Variants in PIK3R1 observed in about 807,000 individuals in gnomAD.
PIK3R1 encodes phosphoinositide-3-kinase regulatory subunit 1.
Under a neutral mutation model 98.0 loss-of-function variants are expected in PIK3R1, and 29 were observed. That is an observed-to-expected ratio of 0.30 (90% CI 0.22 to 0.40). The LOEUF (loss-of-function observed/expected upper bound fraction) is 0.40, where lower values mean the gene tolerates loss of function less well. PIK3R1 is among the 10% of genes least tolerant of loss of function. The pLI is 1.00. For missense variants in PIK3R1, 596 were observed against 872.7 expected, an observed-to-expected ratio of 0.68 and a Z score of 3.99; for synonymous variants, 282 against 311.8, an observed-to-expected ratio of 0.90 and a Z score of 1.01.
rs527788338 is a variant in PIK3R1 at position 68,298,429 on chromosome 5, A to G, written c.*828A>G. On this transcript the variant is annotated 3_prime_UTR_variant, in exon 16 of 16. Coordinates refer to ENST00000521381, the MANE Select transcript of PIK3R1 (RefSeq NM_181523.3). Reference sequence around the variant, plus strand: ...GCTATGCAATTCTTAATTTTCATTAAGTTGTTATTTCAGTTTTAAATGTAC... The same window carrying G: ...GCTATGCAATTCTTAATTTTCATTAGGTTGTTATTTCAGTTTTAAATGTAC... 1.3e-5 allele frequency: 3 copies of G among 233,322 alleles called. No homozygotes were observed. In the South Asian group the frequency reaches 5.4e-4, roughly 42 times the overall value. The allele number at this position is 233,322 out of a possible 1,614,324, so 14.5% of individuals were successfully genotyped here.
At chr5:68,245,934 C>G (rs1745068106) in intron 2 of PIK3R1, among the ~76,000 whole-genome samples, 1 of 152,128 alleles carries the variant, frequency 6.6e-6, no homozygotes, top group African/African-American at 2.4e-5. Flanking sequence ...ATGGACTGAC[C>G]AGTTCTTTCT....
rs556612920 is a variant in PIK3R1 at position 68,262,836 on chromosome 5, T to G, written c.335-10554T>G. On this transcript the variant is annotated intron_variant, in intron 2 of 15. Coordinates refer to ENST00000521381, the MANE Select transcript of PIK3R1 (RefSeq NM_181523.3). Reference sequence around the variant, plus strand: ...ACATGTAGATACATGTAGATACATGTATACATGTAGATACATGTAGATACA... The same window carrying G: ...ACATGTAGATACATGTAGATACATGGATACATGTAGATACATGTAGATACA... 1.7e-5 allele frequency among the ~76,000 whole-genome samples: 2 copies of G among 116,192 alleles called. 1 individual carries two copies. Among genetic ancestry groups the G allele is most frequent in the Admixed American group, 1.6e-4 (2 of 12,782 alleles). 76.2% of individuals were successfully genotyped at this position (116,192 alleles called of 152,430 possible).
chr5:68,255,197 A>C (rs1236384939), intron 2 of PIK3R1, among the ~76,000 whole-genome samples: 7 of 152,224 alleles, frequency 4.6e-5, no homozygotes, highest in Non-Finnish European at 1.0e-4. Flanking sequence ...TCAGTCCCTG[A>C]TTTGCAAAGT....
intron 10 of PIK3R1, 40 bp downstream of exon 10, chr5:68,293,523 G>A (rs1156336425): frequency 5.4e-6 from 8 of 1,489,700 alleles, no homozygotes; most frequent in Non-Finnish European, 7.4e-6. Flanking sequence ...ACGATGTTTA[G>A]ACAAGATCCT....
chr5:68,262,555 AC>A lies in PIK3R1; in HGVS notation c.335-10834del, dbSNP rs1561277889. Among the ~76,000 whole-genome samples, 258 of 139,372 alleles carry A rather than the reference AC, an allele frequency of 1.9e-3. 6 individuals are homozygous for A. Among genetic ancestry groups the A allele is most frequent in the African/African-American group, 5.6e-3 (207 of 37,176 alleles). The allele number at this position is 139,372 out of a possible 152,430, so 91.4% of individuals were successfully genotyped here. Reference sequence around the variant, plus strand: ...CTATATAGATACATATCTAATGTATACATGTATACACATGTACCTACATGTA... The same window carrying A: ...CTATATAGATACATATCTAATGTATAATGTATACACATGTACCTACATGTA... On this transcript the variant is annotated intron_variant, in intron 2 of 15. Transcript: ENST00000521381.
chr5:68,219,619 G>A (rs1744024131), intron 1 of PIK3R1, among the ~76,000 whole-genome samples: 1 of 152,188 alleles, frequency 6.6e-6, no homozygotes, highest in Non-Finnish European at 1.5e-5. Context: ...TCTACCTCAG[G>A]TAAGGAGAGA....
chr5:68,269,307 C>T (rs1746252739), intron 2 of PIK3R1, among the ~76,000 whole-genome samples: 1 of 152,194 alleles, frequency 6.6e-6, no homozygotes, highest in Non-Finnish European at 1.5e-5. Flanking sequence ...CACACTTATA[C>T]ACTGTGCTAC....
At chr5:68,291,721 T>G (rs1747405684) in intron 7 of PIK3R1, 1 of 152,532 alleles carries the variant, frequency 6.6e-6, no homozygotes, top group South Asian at 2.1e-4. Flanking sequence ...GGCAGAACAG[T>G]GCCTGAAATA....
chr5:68,300,280 G>T lies in PIK3R1; in HGVS notation c.*2679G>T. ...GACCTGTTCTGCCCAATGCCTTTTT[G>T]ATTACAGTGTAGCTTGCCCACCGCA... is the stretch of plus-strand genomic sequence containing the variant. On this transcript the variant is annotated 3_prime_UTR_variant, in exon 16 of 16. Coordinates refer to ENST00000521381, the MANE Select transcript of PIK3R1 (RefSeq NM_181523.3). 4.3e-6 allele frequency: 1 copy of T among 233,048 alleles called. No individual in the cohort carries two copies. The highest frequency in any genetic ancestry group is 8.5e-6 in the Non-Finnish European group (1 of 117,930). The allele number at this position is 233,048 out of a possible 1,614,324, so 14.4% of individuals were successfully genotyped here. A position where few individuals can be genotyped will look rare whatever the true frequency, so the allele number is the denominator to read the frequency against.
chr5:68,298,873 G>A lies in PIK3R1; in HGVS notation c.*1272G>A. 4.3e-6 allele frequency: 1 copy of A among 233,448 alleles called. No individual in the cohort carries two copies. Among genetic ancestry groups the A allele is most frequent in the Non-Finnish European group, 8.5e-6 (1 of 117,956 alleles). The allele number at this position is 233,448 out of a possible 1,614,324, so 14.5% of individuals were successfully genotyped here. ...TGTGAACTTCTTGAATCTAGGGAGG[G>A]GGAATGTAGTGAAGGGATGTATCAA... On this transcript the variant is annotated 3_prime_UTR_variant, in exon 16 of 16. Transcript: ENST00000521381.
At chr5:68,292,900 ATTAGCTCTT>A in intron 8 of PIK3R1, 192 bp from the exon 9 acceptor site, 1 of 678,508 alleles carries the variant, frequency 1.5e-6, no homozygotes, top group Non-Finnish European at 2.4e-6. Flanking sequence ...TAAACAAATT[ATTAGCTCTT>A]ATTAGTGAGC....
At chr5:68,256,098 A>G (rs984487976) in intron 2 of PIK3R1, among the ~76,000 whole-genome samples, 2 of 152,146 alleles carry the variant, frequency 1.3e-5, no homozygotes, top group African/African-American at 4.8e-5. Flanking sequence ...CTTAAACTAG[A>G]TGTTTTTCTG....
rs577463464 is a variant in PIK3R1, at chr5:68,280,550, T to C, written c.657T>C (p.Tyr219=). ...TAGAAGTACAAAGCTCCGAAGAATA[T>C]ATTCAGCTATTGAAGAAGCTTATTA... ...LAPEVQSSEE[Y]IQLLKKLIRS... is the part of the protein sequence containing the mutation. Residue 219 remains tyrosine (Y), a synonymous_variant, in exon 6 of 16, where the codon TAT becomes TAC. Coordinates refer to ENST00000521381, the MANE Select transcript of PIK3R1 (RefSeq NM_181523.3). 14 of 1,603,304 alleles carry C rather than the reference T, an allele frequency of 8.7e-6. No homozygotes were observed. In the African/African-American group the frequency reaches 1.1e-4, roughly 12 times the overall value.
At chr5:68,290,287 C>T (rs1036526439) in intron 7 of PIK3R1, among the ~76,000 whole-genome samples, 4 of 151,994 alleles carry the variant, frequency 2.6e-5, no homozygotes, top group African/African-American at 9.7e-5. Context: ...ATTTTTAAAC[C>T]AAGGAATGAC....
intron 1 of PIK3R1, among the ~76,000 whole-genome samples, chr5:68,224,994 ATGT>A (rs1252023132): frequency 1.3e-5 from 2 of 152,240 alleles, no homozygotes; most frequent in South Asian, 2.1e-4. Flanking sequence ...ACTCCTTAAG[ATGT>A]TGTTGCTGTC....
At chr5:68,286,924 C>A (rs1045843540) in intron 7 of PIK3R1, among the ~76,000 whole-genome samples, 1 of 152,188 alleles carries the variant, frequency 6.6e-6, no homozygotes, top group Non-Finnish European at 1.5e-5. Context: ...ATTCTCTGAA[C>A]TAACCATATG....
intron 8 of PIK3R1, 59 bp downstream of exon 8, chr5:68,292,420 A>G (rs2044359235): frequency 6.7e-7 from 1 of 1,490,718 alleles, no homozygotes; most frequent in East Asian, 2.3e-5. Flanking sequence ...GAAAAGCACC[A>G]GCTTGCTAAG....
intron 2 of PIK3R1, among the ~76,000 whole-genome samples, chr5:68,234,888 A>G (rs1451111799): frequency 2.0e-5 from 3 of 152,136 alleles, no homozygotes; most frequent in African/African-American, 7.2e-5. Flanking sequence ...GCTTTCTCCT[A>G]AAGAAGAAAA....
intron 2 of PIK3R1, among the ~76,000 whole-genome samples, chr5:68,237,945 G>A (rs1254630444): frequency 3.3e-5 from 5 of 152,152 alleles, no homozygotes; most frequent in African/African-American, 4.8e-5. Flanking sequence ...CTCCGACAGA[G>A]CCTTTCTAAT....
Sources: allele counts gnomAD v4.1 joint callset (sites outside exome capture counted in the v4.1 genomes callset), GRCh38; gene constraint gnomAD v4.1.1; transcripts MANE v1.5; gene names NCBI Gene and HGNC (gene_info 2026-07-23, HGNC 2026-07-21).